Variants in THOP1 observed in about 807,000 individuals in gnomAD.
THOP1 encodes thimet oligopeptidase.
A neutral mutation model predicts 71.8 loss-of-function variants in THOP1; 49 were observed. The observed-to-expected ratio is 0.68, with a 90% CI of 0.54 to 0.87. The LOEUF (loss-of-function observed/expected upper bound fraction) is 0.87. THOP1 is among the 40% of genes least tolerant of loss of function. THOP1 has a pLI of 0.00. For synonymous variants in THOP1, 426 were observed against 421.5 expected (o/e 1.01, Z -0.13); for missense variants, 843 against 975.6 (o/e 0.86, Z 1.81).
chr19:2,789,193 A>G (rs1185809331), intron 1 of THOP1, among the ~76,000 whole-genome samples: 2 of 152,142 alleles, frequency 1.3e-5, no homozygotes, highest in East Asian at 3.8e-4. Context: ...GGTCCTCTGC[A>G]GAACTGTTTG....
chr19:2,811,677 G>A lies in THOP1; in HGVS notation c.1851G>A (p.Val617=), dbSNP rs141611849. 47 of 1,613,394 alleles carry A rather than the reference G, an allele frequency of 2.9e-5. No homozygotes were observed. The highest frequency in any genetic ancestry group is 9.3e-5 in the African/African-American group (7 of 74,938). The stretch of plus-strand genomic sequence containing the variant: ...ACTACGGGTACCTGTGGAGCGAGGT[G>A]TATTCCATGGACATGTTCCACACGC... ...AQYYGYLWSE[V]YSMDMFHTRF... is the part of the protein sequence containing the mutation. Residue 617 remains valine, a synonymous_variant, in exon 12 of 13, where the codon GTG becomes GTA. Coordinates refer to ENST00000307741, the MANE Select transcript of THOP1 (RefSeq NM_003249.5).
intron 2 of THOP1, among the ~76,000 whole-genome samples, chr19:2,794,480 T>C (rs1915963580): frequency 6.6e-6 from 1 of 152,264 alleles, no homozygotes; most frequent in Non-Finnish European, 1.5e-5. Flanking sequence ...CCCAGCTCTG[T>C]TGGGTCCTCC....
intron 1 of THOP1, among the ~76,000 whole-genome samples, chr19:2,787,381 G>A (rs914298492): frequency 1.1e-4 from 17 of 152,178 alleles, no homozygotes; most frequent in African/African-American, 4.1e-4. Context: ...TGCCTTGTTT[G>A]CTACTGGATC....
chr19:2,812,114 A>G (rs997864653), intron 12 of THOP1: 30 of 1,393,298 alleles, frequency 2.2e-5, no homozygotes, highest in Non-Finnish European at 2.7e-5. Context: ...GATCTGCGTG[A>G]TCGGCCTCAG....
intron 5 of THOP1, among the ~76,000 whole-genome samples, chr19:2,803,914 C>G (rs955010714): frequency 6.6e-6 from 1 of 152,164 alleles, no homozygotes; most frequent in African/African-American, 2.4e-5. Flanking sequence ...CCCGATCATT[C>G]TTTCCACCCC....
chr19:2,792,568 G>T (rs759068), intron 2 of THOP1, among the ~76,000 whole-genome samples: 1 of 151,726 alleles, frequency 6.6e-6, no homozygotes, highest in Non-Finnish European at 1.5e-5. Flanking sequence ...TGAGGTAGTG[G>T]CCAGACTGCA....
At position 2,798,117 on chromosome 19, in the gene THOP1, C is replaced by T. The variant is rs561567111; in HGVS notation, c.487-1572C>T. Among the ~76,000 whole-genome samples, 13 of 152,302 alleles carry T rather than the reference C, an allele frequency of 8.5e-5. No homozygotes were observed. In the East Asian group the frequency reaches 2.5e-3, roughly 29 times the overall value. The stretch of plus-strand genomic sequence containing the variant: ...GATCTCAGCTCGCTGCAACCTCTGC[C>T]TCCTATGTTCAAGCGATTCTCCTGC... On this transcript the variant is annotated intron_variant, in intron 4 of 12. Coordinates refer to ENST00000307741, the MANE Select transcript of THOP1 (RefSeq NM_003249.5).
Position 2,807,777 on chromosome 19 carries a change from G to A in THOP1, c.1222G>A (p.Val408Ile), listed in dbSNP as rs1916341854. 1.3e-6 allele frequency: 2 copies of A among 1,532,420 alleles called. No homozygotes were observed. The highest frequency in any genetic ancestry group is 1.8e-6 in the Non-Finnish European group (2 of 1,137,122). The allele number at this position is 1,532,420 out of a possible 1,614,324, so 94.9% of individuals were successfully genotyped here. The part of the protein sequence containing the change: ...TARDAASGEV[V>I]GKFYLDLYPR... ...GAGGGACGCGGCCTCGGGGGAGGTG[G>A]TCGGCAAGTTCTACCTGGACCTGTA... Residue 408 changes from valine (V) to isoleucine (I), a missense_variant, in exon 8 of 13, where the codon GTC (valine) becomes ATC (isoleucine). Transcript: ENST00000307741.
rs543255012 is a variant in THOP1 at position 2,813,070 on chromosome 19, C to T, written c.1909-45C>T. On this transcript the variant is annotated intron_variant, in intron 12 of 12. Coordinates refer to ENST00000307741, the MANE Select transcript of THOP1 (RefSeq NM_003249.5). ...CAGACTCCTGGGGTCCTCTGCCTTC[C>T]TCCCTGGGTCCCCACCCGGCCACAG... is the stretch of plus-strand genomic sequence containing the variant. 5.4e-5 allele frequency: 84 copies of T among 1,560,642 alleles called. No individual in the cohort carries two copies. In the South Asian group the frequency reaches 8.9e-4, roughly 17 times the overall value.
At chr19:2,807,334 C>T (rs1916318409) in intron 7 of THOP1, 108 bp from the exon 8 acceptor site, 1 of 1,439,956 alleles carries the variant, frequency 6.9e-7, no homozygotes, top group South Asian at 1.4e-5. Context: ...ACTGCGGGTC[C>T]TCCCTTCCAA....
Position 2,796,201 on chromosome 19 carries a change from T to G in THOP1, c.486+13T>G, listed in dbSNP as rs765667038. The G allele has an allele frequency of 6.3e-7, 1 of 1,597,726 alleles. No homozygotes were observed. Among genetic ancestry groups the G allele is most frequent in the South Asian group, 1.1e-5 (1 of 90,370 alleles). On this transcript the variant is annotated intron_variant, in intron 4 of 12. Coordinates refer to ENST00000307741, the MANE Select transcript of THOP1 (RefSeq NM_003249.5). ...AGAGACTCAGGAAGTGAGTGCTGGG[T>G]GTAGGGAGTGCTGGGCGTGGGCAAT...
At chr19:2,791,755 C>T (rs574260557) in intron 2 of THOP1, among the ~76,000 whole-genome samples, 10 of 152,324 alleles carry the variant, frequency 6.6e-5, no homozygotes, top group South Asian at 6.2e-4. Flanking sequence ...TCCCCTCCTG[C>T]GGCCTTTCCT....
intron 4 of THOP1, among the ~76,000 whole-genome samples, chr19:2,796,461 G>A (rs140086144): frequency 1.3e-3 from 189 of 149,634 alleles, no homozygotes; most frequent in African/African-American, 4.6e-3. Flanking sequence ...AGGAGTGCTC[G>A]GTCCCAGGGA....
chr19:2,802,392 C>G (rs1916169485), intron 5 of THOP1, among the ~76,000 whole-genome samples: 1 of 139,762 alleles, frequency 7.2e-6, no homozygotes, highest in African/African-American at 2.7e-5. Flanking sequence ...CCTCCCAACA[C>G]TAACACCTCC....
At position 2,796,312 on chromosome 19, in the gene THOP1, GGGCTCGGGGAGTGCTC is replaced by G. The variant is rs1238578809; in HGVS notation, c.486+130_486+145del. 6.6e-6 allele frequency: 5 copies of G among 755,198 alleles called. No individual in the cohort carries two copies. In the African/African-American group the frequency reaches 7.1e-5, roughly 11 times the overall value. 46.8% of individuals were successfully genotyped at this position (755,198 alleles called of 1,614,324 possible). The stretch of plus-strand genomic sequence containing the variant: ...AGAAGCGCAGGGCAGGGGGAGTGCT[GGGCTCGGGGAGTGCTC>G]GGCTCAGGGAGTGCTTGGGGCATCA... On this transcript the variant is annotated intron_variant, in intron 4 of 12. Transcript: ENST00000307741.
chr19:2,794,805 T>A lies in THOP1; in HGVS notation c.271T>A (p.Ser91Thr). 1 of 1,613,822 alleles carries A rather than the reference T, an allele frequency of 6.2e-7. No homozygotes were observed. The highest frequency in any genetic ancestry group is 8.5e-7 in the Non-Finnish European group (1 of 1,179,892). Residue 91 changes from serine (S) to threonine (T), a missense_variant, in exon 3 of 13, where the codon TCC becomes ACC. Physicochemically the swap from Ser to Thr is moderately conservative, Grantham distance 58. Coordinates refer to ENST00000307741, the MANE Select transcript of THOP1 (RefSeq NM_003249.5). Reference sequence around the variant, plus strand: ...TGACTTCCCCCAGCATGTTTCCCCCTCCAAGGACATCCGGACAGCCAGCAC... The same window carrying A: ...TGACTTCCCCCAGCATGTTTCCCCCACCAAGGACATCCGGACAGCCAGCAC... ...ILDFPQHVSP[S>T]KDIRTASTEA...
In THOP1 at chr19:2,785,652, A is replaced by G. The variant is rs755660166; in HGVS notation, c.-11A>G. 6.8e-7 allele frequency: 1 copy of G among 1,476,220 alleles called. No individual in the cohort carries two copies. The allele number at this position is 1,476,220 out of a possible 1,614,324, so 91.4% of individuals were successfully genotyped here. The stretch of plus-strand genomic sequence containing the variant: ...AGGAGGGAGGGAGCCGCAGGCGCAG[A>G]CCCACCCGCCATGAAGCCCCCCGCA... On this transcript the variant is annotated 5_prime_UTR_variant, in exon 1 of 13. Coordinates refer to ENST00000307741, the MANE Select transcript of THOP1 (RefSeq NM_003249.5).
chr19:2,811,561 G>A, intron 11 of THOP1, 37 bp from the exon 12 acceptor site: 1 of 1,594,922 alleles, frequency 6.3e-7, no homozygotes, highest in South Asian at 1.1e-5. Flanking sequence ...CATGGGGTGG[G>A]GGCTACAGCG....
intron 9 of THOP1, chr19:2,809,972 C>T (rs1446875329): frequency 2.5e-6 from 1 of 394,986 alleles, no homozygotes; most frequent in African/African-American, 2.1e-5. Flanking sequence ...AGCGTCCCCA[C>T]CCGGACCTGG....
Sources: gnomAD v4.1 joint callset for allele counts (sites outside exome capture counted in the v4.1 genomes callset) on GRCh38, gnomAD v4.1.1 for gene constraint, MANE v1.5 for transcripts, NCBI Gene and HGNC (gene_info 2026-07-23, HGNC 2026-07-21) for gene names.